EP400: variants seen among roughly 807,000 people sequenced by gnomAD.
The protein encoded by EP400 is E1A binding protein p400, also known as E1A-binding protein p400.
In EP400, 105 loss-of-function variants were observed where a neutral mutation model predicts 354.1. The ratio of observed to expected loss-of-function variants is 0.30; its 90% CI spans 0.25 to 0.35. The LOEUF (loss-of-function observed/expected upper bound fraction) is 0.35. Among genes scored for constraint, EP400 ranks in the 10% least tolerant of loss-of-function variants. The pLI is 1.00. For synonymous variants in EP400, 1,646 were observed against 1,716.9 expected (o/e 0.96, Z 1.02); for missense variants, 3,280 against 4,121.0 (o/e 0.80, Z 5.59).
In EP400 at chr12:132,044,924, A is replaced by T. The variant is rs375389646; in HGVS notation, c.6755A>T (p.Glu2252Val). ...CTGCCCCCTGTGTACGTGAGGAAGG[A>T]GCGGAAGCGACACAAAACAGACCCC... ...AKLPPVYVRK[E>V]RKRHKTDPSA... Residue 2252 changes from glutamate (E) to valine (V), a missense_variant, in exon 37 of 53, where the codon GAG becomes GTG. Physicochemically the swap from Glu to Val is moderately radical, Grantham distance 121. Transcript: ENST00000389561. The T allele has an allele frequency of 4.6e-5, 74 of 1,614,012 alleles. No individual in the cohort carries two copies. The highest frequency in any genetic ancestry group is 5.8e-5 in the Non-Finnish European group (69 of 1,180,034).
chr12:131,989,966 C>A lies in EP400; in HGVS notation c.2412C>A (p.Leu804=). 1 of 1,613,594 alleles carries A rather than the reference C, an allele frequency of 6.2e-7. No homozygotes were observed. The highest frequency in any genetic ancestry group is 8.5e-7 in the Non-Finnish European group (1 of 1,179,886). The change falls in exon 8 of 53, where the codon CTC becomes CTA. Residue 804 remains leucine, a splice_region_variant and synonymous_variant. Coordinates refer to ENST00000389561, the MANE Select transcript of EP400 (RefSeq NM_015409.5). The part of the protein sequence containing the change: ...RRWKVAAAKK[L]VRTVVRHHEE... ...ATTCTTGCACTTTTATTCACCAGCT[C>A]GTTAGAACTGTGGTGCGCCATCACG...
In EP400 at chr12:131,984,395, A is replaced by G. The variant is rs557812460; in HGVS notation, c.1929+1917A>G. Among the ~76,000 whole-genome samples, 6 of 152,208 alleles carry G rather than the reference A, an allele frequency of 3.9e-5. 1 individual carries two copies. Among genetic ancestry groups the G allele is most frequent in the Admixed American group, 3.9e-4 (6 of 15,282 alleles). The stretch of plus-strand genomic sequence containing the variant: ...AGAATCTTTACTATCTCCATTTTAT[A>G]GATTAAAAAAACCAGAGGCCAGAAA... On this transcript the variant is annotated intron_variant, in intron 5 of 52. Coordinates refer to ENST00000389561, the MANE Select transcript of EP400 (RefSeq NM_015409.5).
chr12:132,020,280 G>C (rs1230159656), intron 22 of EP400, 62 bp downstream of exon 22: 1 of 1,497,974 alleles, frequency 6.7e-7, no homozygotes, highest in African/African-American at 1.4e-5. Context: ...CAAGTTCATG[G>C]CACTTTCTTC....
In EP400 at chr12:131,990,256, G is replaced by A; in HGVS notation, c.2550+152G>A. The A allele has an allele frequency of 3.2e-6, 3 of 929,034 alleles. No individual in the cohort carries two copies. Among genetic ancestry groups the A allele is most frequent in the Non-Finnish European group, 4.8e-6 (3 of 624,526 alleles). The allele number at this position is 929,034 out of a possible 1,614,324, so 57.5% of individuals were successfully genotyped here. A position where few individuals can be genotyped will look rare whatever the true frequency, so the allele number is the denominator to read the frequency against. ...CACTCTCCTGGGCTGTTGCTTGTTG[G>A]CCTTTGAATGAGCTGCTCGTGCCTC... On this transcript the variant is annotated intron_variant, in intron 8 of 52. Transcript: ENST00000389561. This position sits in a 1 kb window ranked among gnomAD's most constrained non-coding sequence, Gnocchi z 4.2.
rs778031670 is a variant in EP400 at position 132,027,573 on chromosome 12, A to G, written c.5109+42A>G. 1.3e-6 allele frequency: 2 copies of G among 1,520,348 alleles called. No homozygotes were observed. Among genetic ancestry groups the G allele is most frequent in the Non-Finnish European group, 1.8e-6 (2 of 1,117,674 alleles). The allele number at this position is 1,520,348 out of a possible 1,614,324, so 94.2% of individuals were successfully genotyped here. A position where few individuals can be genotyped will look rare whatever the true frequency, so the allele number is the denominator to read the frequency against. ...GAGACCCCGGTGCACGTGGACAGGT[A>G]GCTTTCCAAGAGCTGCTCGTTGTGT... On this transcript the variant is annotated intron_variant, in intron 26 of 52. Coordinates refer to ENST00000389561, the MANE Select transcript of EP400 (RefSeq NM_015409.5). The surrounding 1 kb of genome is among the most constrained non-coding windows in gnomAD (Gnocchi z 4.9).
rs140312097 is a variant in EP400 at position 132,025,116 on chromosome 12, C to G, written c.4856-530C>G. Among the ~76,000 whole-genome samples the G allele has an allele frequency of 1.3e-5, 2 of 151,918 alleles. No homozygotes were observed. Among genetic ancestry groups the G allele is most frequent in the African/African-American group, 4.8e-5 (2 of 41,316 alleles). On this transcript the variant is annotated intron_variant, in intron 24 of 52. Coordinates refer to ENST00000389561, the MANE Select transcript of EP400 (RefSeq NM_015409.5). This position sits in a 1 kb window ranked among gnomAD's most constrained non-coding sequence, Gnocchi z 4.1. ...ATTTTTTGGCCCACAGAGGCTGGGT[C>G]GCTTGGTAACATCTCTGATGGCCGC...
chr12:131,968,767 C>T (rs1212768599), intron 2 of EP400, among the ~76,000 whole-genome samples: 1 of 152,120 alleles, frequency 6.6e-6, no homozygotes, highest in Non-Finnish European at 1.5e-5. Flanking sequence ...TTGTAACTTT[C>T]AGCATACCAT....
rs200030113 is a variant in EP400, at chr12:132,027,506, C to T, written c.5084C>T (p.Ala1695Val). 3.1e-6 allele frequency: 5 copies of T among 1,613,436 alleles called. No homozygotes were observed. Among genetic ancestry groups the T allele is most frequent in the Non-Finnish European group, 4.2e-6 (5 of 1,179,696 alleles). ...VGEPGTASKP[A>V]SPIGGPTQEE... The stretch of plus-strand genomic sequence containing the variant: ...GAACCCGGAACGGCCTCCAAACCAG[C>T]TTCTCCCATTGGAGGGCCGACCCAG... The change falls in exon 26 of 53, where the codon GCT becomes GTT. Residue 1695 changes from alanine to valine, a missense_variant. Ala to Val is a moderately conservative substitution (Grantham distance 64). Around this residue, in one of 20 missense-constraint regions of EP400, gnomAD observed 459 missense variants for 496.9 expected, o/e 0.92. Transcript: ENST00000389561. The surrounding 1 kb of genome is among the most constrained non-coding windows in gnomAD (Gnocchi z 4.9).
rs549950220 is a variant in EP400, at chr12:132,025,869, G to T, written c.5014+65G>T. On this transcript the variant is annotated intron_variant, in intron 25 of 52. Coordinates refer to ENST00000389561, the MANE Select transcript of EP400 (RefSeq NM_015409.5). This position sits in a 1 kb window ranked among gnomAD's most constrained non-coding sequence, Gnocchi z 4.1. ...CTTCTTTCTCTTCCATCTAAGGCGA[G>T]TGGAAAGCATTCATGTGTCTTTGAC... 3.4e-6 allele frequency: 5 copies of T among 1,480,630 alleles called. No individual in the cohort carries two copies. The highest frequency in any genetic ancestry group is 4.5e-6 in the Non-Finnish European group (5 of 1,118,648). The allele number at this position is 1,480,630 out of a possible 1,614,324, so 91.7% of individuals were successfully genotyped here. A position where few individuals can be genotyped will look rare whatever the true frequency, so the allele number is the denominator to read the frequency against.
chr12:131,953,025 A>G (rs1891568398), intron 1 of EP400, among the ~76,000 whole-genome samples: 1 of 152,204 alleles, frequency 6.6e-6, no homozygotes, highest in African/African-American at 2.4e-5. Context: ...TCCATACATC[A>G]GAACATGCAT....
rs151255890 is a variant in EP400 at position 132,074,499 on chromosome 12, T to G, written c.9022-2017T>G. ...TCTGCCTGTTATCGAGACGTTGTCT[T>G]TGTCTTTGTTGTTTTGCAGTTTCAT... On this transcript the variant is annotated intron_variant, in intron 51 of 52. Coordinates refer to ENST00000389561, the MANE Select transcript of EP400 (RefSeq NM_015409.5). Among the ~76,000 whole-genome samples, 3 of 152,260 alleles carry G rather than the reference T, an allele frequency of 2.0e-5. No individual in the cohort carries two copies. The East Asian group carries it at 5.8e-4, about 29-fold the overall frequency.
rs1186929647 is a variant in EP400, at chr12:131,990,859, G to A, written c.2629+145G>A. On this transcript the variant is annotated intron_variant, in intron 9 of 52. Transcript: ENST00000389561. This position sits in a 1 kb window ranked among gnomAD's most constrained non-coding sequence, Gnocchi z 4.2. ...CTGCCTGATTGTTACATTTCTCTTT[G>A]TGTGGCCATCCTAGTTTTATGCTTC... 4 of 651,338 alleles carry A rather than the reference G, an allele frequency of 6.1e-6. No individual in the cohort carries two copies. The highest frequency in any genetic ancestry group is 1.1e-5 in the Non-Finnish European group (4 of 369,504). The allele number at this position is 651,338 out of a possible 1,614,324, so 40.3% of individuals were successfully genotyped here. A position where few individuals can be genotyped will look rare whatever the true frequency, so the allele number is the denominator to read the frequency against.
chr12:131,963,321 C>G lies in EP400; in HGVS notation c.1335+1367C>G, dbSNP rs569855782. Among the ~76,000 whole-genome samples, 5 of 152,262 alleles carry G rather than the reference C, an allele frequency of 3.3e-5. 1 individual carries two copies. In the South Asian group the frequency reaches 1.0e-3, roughly 32 times the overall value. The stretch of plus-strand genomic sequence containing the variant: ...AGAATCTAAAGATATTGCACTTTGA[C>G]TTAAATTGGAGTTTCTGCAAGGTTT... On this transcript the variant is annotated intron_variant, in intron 2 of 52. Coordinates refer to ENST00000389561, the MANE Select transcript of EP400 (RefSeq NM_015409.5).
At chr12:132,021,024 G>A (rs1894105399) in intron 22 of EP400, 55 bp from the exon 23 acceptor site, 1 of 1,494,998 alleles carries the variant, frequency 6.7e-7, no homozygotes, top group South Asian at 1.3e-5. Context: ...TTAAAATATT[G>A]TATTTTATTA....
intron 48 of EP400, chr12:132,066,397 A>T (rs1895891965): frequency 5.3e-6 from 1 of 189,986 alleles, no homozygotes; most frequent in South Asian, 1.1e-4. Context: ...AGTGAGGGAC[A>T]GGCTGATGTC....
chr12:132,033,334 T>G (rs1770361006), intron 30 of EP400, among the ~76,000 whole-genome samples: 1 of 152,236 alleles, frequency 6.6e-6, no homozygotes, highest in African/African-American at 2.4e-5. Context: ...TTTAAATTTC[T>G]AAGTGCTTAC....
chr12:132,029,467 C>G lies in EP400; in HGVS notation c.5382-234C>G. ...ATCCACCCCCATTGATCCATCAGCC[C>G]TGGACTGTCTGAATTAGTCCCCGAG... On this transcript the variant is annotated intron_variant, in intron 27 of 52. Transcript: ENST00000389561. This position sits in a 1 kb window ranked among gnomAD's most constrained non-coding sequence, Gnocchi z 4.7. 1.7e-6 allele frequency: 1 copy of G among 593,578 alleles called. No homozygotes were observed. The highest frequency in any genetic ancestry group is 3.0e-6 in the Non-Finnish European group (1 of 333,160). The allele number at this position is 593,578 out of a possible 1,614,324, so 36.8% of individuals were successfully genotyped here.
chr12:132,001,675 C>T (rs915930634), intron 12 of EP400, among the ~76,000 whole-genome samples: 2 of 152,116 alleles, frequency 1.3e-5, no homozygotes, highest in Non-Finnish European at 2.9e-5. Flanking sequence ...CTACAACAGG[C>T]GTCTTCCCAG....
At chr12:132,043,222 A>G in intron 32 of EP400, 82 bp from the exon 33 acceptor site, 3 of 1,481,074 alleles carry the variant, frequency 2.0e-6, no homozygotes, top group Non-Finnish European at 2.7e-6. Context: ...CATCTCCATT[A>G]ACTTTACATG....
Sources: allele counts gnomAD v4.1 joint callset (sites outside exome capture counted in the v4.1 genomes callset), GRCh38; gene constraint gnomAD v4.1.1; regional missense constraint gnomAD v4.1.1; non-coding constraint Gnocchi (gnomAD v3.1); transcripts MANE v1.5; gene names NCBI Gene and HGNC (gene_info 2026-07-23, HGNC 2026-07-21).